Variants in NTRK2 observed in about 807,000 individuals in gnomAD.
NTRK2 encodes neurotrophic receptor tyrosine kinase 2, also known as BDNF/NT-3 growth factors receptor.
NTRK2 carries 13 observed loss-of-function variants against 94.5 expected under a neutral mutation model. The observed-to-expected ratio is 0.14, with a 90% CI of 0.09 to 0.22. The LOEUF is 0.22. Among genes scored for constraint, NTRK2 ranks in the 10% least tolerant of loss-of-function variants. The pLI is 1.00. For missense variants in NTRK2, 639 were observed against 1,071.2 expected, an observed-to-expected ratio of 0.60 and a Z score of 5.63; for synonymous variants, 372 against 407.4, an observed-to-expected ratio of 0.91 and a Z score of 1.05.
intron 2 of NTRK2, 44 bp downstream of exon 2, chr9:84,671,004 G>A (rs761360157): frequency 6.4e-7 from 1 of 1,572,182 alleles, no homozygotes; most frequent in African/African-American, 1.3e-5. Flanking sequence ...TTGCCCCTAG[G>A]GCCCGAGCTG....
intron 14 of NTRK2, chr9:84,874,934 T>G (rs1425923480): frequency 1.9e-6 from 2 of 1,055,836 alleles, no homozygotes. Flanking sequence ...TAGGATTGTC[T>G]TCCTCACCCA....
intron 12 of NTRK2, among the ~76,000 whole-genome samples, chr9:84,854,311 A>G (rs1361188857): frequency 1.3e-5 from 2 of 152,230 alleles, no homozygotes; most frequent in African/African-American, 2.4e-5. Flanking sequence ...TGTATCCATT[A>G]CAGACTTCCT....
At position 84,909,118 on chromosome 9, in the gene NTRK2, C is replaced by A. The variant is rs192003733; in HGVS notation, c.1634-25044C>A. Among the ~76,000 whole-genome samples the A allele has an allele frequency of 1.4e-4, 21 of 152,228 alleles. No homozygotes were observed. The East Asian group carries it at 4.1e-3, about 29-fold the overall frequency. ...TCATAAACCCCTGGAACCCACTATT[C>A]TATTCTCCATTTCTATAAGTTTATC... On this transcript the variant is annotated intron_variant, in intron 14 of 18. Coordinates refer to ENST00000277120, the MANE Select transcript of NTRK2 (RefSeq NM_006180.6).
intron 14 of NTRK2, among the ~76,000 whole-genome samples, chr9:84,878,650 T>A (rs1411965701): frequency 1.4e-5 from 2 of 142,308 alleles, no homozygotes; most frequent in African/African-American, 5.1e-5. Flanking sequence ...AAAAAAAAAA[T>A]TCTGATATTT....
chr9:84,859,583 C>T (rs1307130783), intron 12 of NTRK2, among the ~76,000 whole-genome samples: 17 of 152,014 alleles, frequency 1.1e-4, no homozygotes, highest in Admixed American at 1.1e-3. Context: ...CAGTGAGGGA[C>T]CATGATCACA....
At chr9:84,882,716 GTGTGCGCGCGCGCGCGCA>G (rs891723105) in intron 14 of NTRK2, among the ~76,000 whole-genome samples, 9 of 149,684 alleles carry the variant, frequency 6.0e-5, no homozygotes, top group African/African-American at 1.0e-4. Flanking sequence ...GTGTGTGTGT[GTGTGCGCGCGCGCGCGCA>G]TGTGTGCATT....
chr9:85,026,759 G>A lies in NTRK2; in HGVS notation c.*5322G>A, dbSNP rs1403472140. 2.1e-5 allele frequency: 5 copies of A among 232,572 alleles called. No homozygotes were observed. The highest frequency in any genetic ancestry group is 1.2e-3 in the Middle Eastern group (1 of 804). 14.4% of individuals were successfully genotyped at this position (232,572 alleles called of 1,614,324 possible). A position where few individuals can be genotyped will look rare whatever the true frequency, so the allele number is the denominator to read the frequency against. On this transcript the variant is annotated 3_prime_UTR_variant, in exon 19 of 19. Coordinates refer to ENST00000277120, the MANE Select transcript of NTRK2 (RefSeq NM_006180.6). Reference sequence around the variant, plus strand: ...CTACAGATATATTTCCCCTTCAATCGTGACCTGGTATTTGGAACTCTCCTT... The same window carrying A: ...CTACAGATATATTTCCCCTTCAATCATGACCTGGTATTTGGAACTCTCCTT...
At chr9:84,901,782 T>C (rs1454778535) in intron 14 of NTRK2, among the ~76,000 whole-genome samples, 1 of 152,164 alleles carries the variant, frequency 6.6e-6, no homozygotes, top group East Asian at 1.9e-4. Flanking sequence ...TTCTTCTCCA[T>C]GTATGTCTAG....
chr9:84,856,278 C>T (rs2075058699), intron 12 of NTRK2, among the ~76,000 whole-genome samples: 1 of 152,178 alleles, frequency 6.6e-6, no homozygotes, highest in Non-Finnish European at 1.5e-5. Flanking sequence ...TCTCTTCCTA[C>T]ACTGTGGAGA....
intron 17 of NTRK2, among the ~76,000 whole-genome samples, chr9:84,998,317 G>A (rs1314597585): frequency 6.6e-6 from 1 of 152,230 alleles, no homozygotes; most frequent in Non-Finnish European, 1.5e-5. Context: ...CCCCCAACCT[G>A]GACTGGAGAT....
At chr9:84,820,338 TTTTGTA>T (rs1188021439) in intron 12 of NTRK2, among the ~76,000 whole-genome samples, 1 of 151,932 alleles carries the variant, frequency 6.6e-6, no homozygotes, top group Non-Finnish European at 1.5e-5. Context: ...CCTAGCTAAT[TTTTGTA>T]TTTGTAAGAG....
chr9:84,982,295 GA>G (rs1827724593), intron 17 of NTRK2, among the ~76,000 whole-genome samples: 1 of 152,176 alleles, frequency 6.6e-6, no homozygotes, highest in South Asian at 2.1e-4. Context: ...AGCCGAGGAG[GA>G]TTAAGCAGGA....
intron 17 of NTRK2, among the ~76,000 whole-genome samples, chr9:84,981,262 G>GT (rs1217838682): frequency 1.5e-5 from 1 of 68,652 alleles, no homozygotes; most frequent in Non-Finnish European, 3.1e-5. Context: ...GTTTTGTTTT[G>GT]TTGTTTTTTT....
intron 12 of NTRK2, among the ~76,000 whole-genome samples, chr9:84,764,989 T>A (rs2065901392): frequency 6.6e-6 from 1 of 152,110 alleles, no homozygotes; most frequent in South Asian, 2.1e-4. Context: ...TCTCACTTAT[T>A]TGTAGAATAT....
At chr9:84,886,758 G>A (rs1052571653) in intron 14 of NTRK2, among the ~76,000 whole-genome samples, 1 of 152,114 alleles carries the variant, frequency 6.6e-6, no homozygotes, top group Non-Finnish European at 1.5e-5. Flanking sequence ...CTTAAAACCA[G>A]TTCTTGCTTC....
intron 12 of NTRK2, among the ~76,000 whole-genome samples, chr9:84,816,712 G>A (rs2072432600): frequency 6.7e-6 from 1 of 149,986 alleles, no homozygotes. Flanking sequence ...CCAGGAGGTG[G>A]AGTTTGCAGT....
intron 14 of NTRK2, among the ~76,000 whole-genome samples, chr9:84,917,544 C>A (rs1488600552): frequency 6.6e-6 from 1 of 152,008 alleles, no homozygotes; most frequent in Admixed American, 6.6e-5. Flanking sequence ...CCCTCACAGC[C>A]CTTGGAGGAG....
In NTRK2 at chr9:84,809,713, C is replaced by T. The variant is rs185702082; in HGVS notation, c.1397-51327C>T. On this transcript the variant is annotated intron_variant, in intron 12 of 18. Transcript: ENST00000277120. Reference sequence around the variant, plus strand: ...CCTGGGCAACATGGTGAAACCCTGCCGCTACTAAAAATACAAAAATTAGCC... The same window carrying T: ...CCTGGGCAACATGGTGAAACCCTGCTGCTACTAAAAATACAAAAATTAGCC... 2.4e-3 allele frequency among the ~76,000 whole-genome samples: 363 copies of T among 151,208 alleles called. 3 individuals are homozygous for T. Among genetic ancestry groups the T allele is most frequent in the African/African-American group, 8.4e-3 (345 of 41,300 alleles).
chr9:84,734,986 T>C (rs1229895669), intron 9 of NTRK2, among the ~76,000 whole-genome samples: 1 of 152,142 alleles, frequency 6.6e-6, no homozygotes, highest in Admixed American at 6.6e-5. Context: ...CCTAGAAATG[T>C]GCTGTTGGGG....
Sources: allele counts gnomAD v4.1 joint callset (sites outside exome capture counted in the v4.1 genomes callset), GRCh38; gene constraint gnomAD v4.1.1; transcripts MANE v1.5; gene names NCBI Gene and HGNC (gene_info 2026-07-23, HGNC 2026-07-21).